The following LRRC63 variants were observed in gnomAD, a reference collection of about 807,000 sequenced individuals.
LRRC63 encodes leucine rich repeat containing 63.
In LRRC63, 40 loss-of-function variants were observed where a neutral mutation model predicts 49.5. The ratio of observed to expected loss-of-function variants is 0.81; its 90% CI spans 0.63 to 1.05. LRRC63 has a LOEUF of 1.05. LRRC63 is among the 50% of genes least tolerant of loss of function. The pLI is 0.00. For synonymous variants in LRRC63, 191 were observed against 221.1 expected, an observed-to-expected ratio of 0.86 and a Z score of 1.21; for missense variants, 636 against 663.1, an observed-to-expected ratio of 0.96 and a Z score of 0.45.
chr13:46,235,380 A>G (rs1228480656), intron 5 of LRRC63, among the ~76,000 whole-genome samples: 1 of 152,316 alleles, frequency 6.6e-6, no homozygotes, highest in East Asian at 1.9e-4. Flanking sequence ...AAACAACCCA[A>G]TAGCTATAGC....
rs2047019181 is a variant in LRRC63 at position 46,240,169 on chromosome 13, C to T, written c.990+5820C>T. Among the ~76,000 whole-genome samples the T allele has an allele frequency of 3.4e-5, 5 of 148,926 alleles. No individual in the cohort carries two copies. In the South Asian group the frequency reaches 1.1e-3, roughly 31 times the overall value. On this transcript the variant is annotated intron_variant, in intron 5 of 9. Coordinates refer to ENST00000595396, the Ensembl canonical transcript of LRRC63. ...TTTGACGGAGTCTCGCTCTGTTGCC[C>T]AGGCTGGAGTGCAGTGGCACGATCT...
intron 6 of LRRC63, among the ~76,000 whole-genome samples, chr13:46,247,791 C>A (rs2047255923): frequency 6.6e-6 from 1 of 151,896 alleles, no homozygotes; most frequent in Non-Finnish European, 1.5e-5. Context: ...GCAGTGTCCA[C>A]TAAAATAGTT....
chr13:46,270,110 G>A, intron 9 of LRRC63: 1 of 654,420 alleles, frequency 1.5e-6, no homozygotes, highest in Non-Finnish European at 2.8e-6. Context: ...AGAGCCGGTG[G>A]TGCCTTTGTT....
intron 9 of LRRC63, among the ~76,000 whole-genome samples, chr13:46,269,911 A>G (rs1479967693): frequency 6.7e-6 from 1 of 149,606 alleles, no homozygotes; most frequent in Non-Finnish European, 1.5e-5. Context: ...ATATACATAT[A>G]TATATATATA....
intron 4 of LRRC63, among the ~76,000 whole-genome samples, chr13:46,230,586 T>C (rs1040033654): frequency 1.2e-4 from 19 of 152,336 alleles, no homozygotes; most frequent in African/African-American, 4.1e-4. Flanking sequence ...TGGAGTCTGA[T>C]ATTCTATGGG....
intron 2 of LRRC63, among the ~76,000 whole-genome samples, chr13:46,225,966 T>C (rs970788120): frequency 1.3e-5 from 2 of 150,964 alleles, no homozygotes; most frequent in Non-Finnish European, 2.9e-5. Context: ...TTACTCTCTT[T>C]TTCTATTCTT....
rs1555330592 is a variant in LRRC63 at position 46,276,826 on chromosome 13, G to GCA, written c.*23_*24insCA. The GCA allele has an allele frequency of 2.7e-3, 453 of 165,308 alleles. 7 individuals are homozygous for GCA. The highest frequency in any genetic ancestry group is 0.014 in the African/African-American group (422 of 30,390). 10.2% of individuals were successfully genotyped at this position (165,308 alleles called of 1,614,324 possible). On this transcript the variant is annotated 3_prime_UTR_variant, in exon 10 of 10. Coordinates refer to ENST00000595396, the Ensembl canonical transcript of LRRC63. ...TAGTACAATGATTTATCGTATGTGT[G>GCA]TGTATATATATATATATATATATAT...
intron 6 of LRRC63, among the ~76,000 whole-genome samples, chr13:46,247,093 A>G (rs1162915640): frequency 6.6e-6 from 1 of 152,180 alleles, no homozygotes; most frequent in Non-Finnish European, 1.5e-5. Flanking sequence ...ATGAACCATT[A>G]TGAGTGATTA....
chr13:46,248,941 T>A (rs1340758391), intron 6 of LRRC63, among the ~76,000 whole-genome samples: 1 of 151,894 alleles, frequency 6.6e-6, no homozygotes, highest in Non-Finnish European at 1.5e-5. Flanking sequence ...TACAAAAGTC[T>A]ATTTTTGGCT....
At position 46,235,618 on chromosome 13, in the gene LRRC63, CA is replaced by C. The variant is rs111284603; in HGVS notation, c.990+1278del. 2.6e-3 allele frequency among the ~76,000 whole-genome samples: 387 copies of C among 149,598 alleles called. 3 individuals carry two copies. Among genetic ancestry groups the C allele is most frequent in the African/African-American group, 8.4e-3 (344 of 40,858 alleles). On this transcript the variant is annotated intron_variant, in intron 5 of 9. Transcript: ENST00000595396. ...TTTTTAACAAAAATTATGGAATATG[CA>C]AAAAAAAATGCTTGTTCACAGAAGA... is the stretch of plus-strand genomic sequence containing the variant.
rs2047689292 is a variant in LRRC63, at chr13:46,266,771, G to A, written c.1349G>A (p.Ser450Asn). The change falls in exon 9 of 10, where the codon AGT becomes AAT. Residue 450 changes from serine to asparagine, a missense_variant. Physicochemically the swap from Ser to Asn is conservative, Grantham distance 46. Transcript: ENST00000595396. The stretch of plus-strand genomic sequence containing the variant: ...CTGACTGTTGATGGGAATGAACTGA[G>A]TTTTTTCCCCCATGGAATTTTGAAG... 4 of 1,549,728 alleles carry A rather than the reference G, an allele frequency of 2.6e-6. No homozygotes were observed. In the Admixed American group the frequency reaches 7.9e-5, roughly 30 times the overall value.
At chr13:46,233,782 A>T (rs1431960861) in intron 4 of LRRC63, among the ~76,000 whole-genome samples, 1 of 152,226 alleles carries the variant, frequency 6.6e-6, no homozygotes, top group Non-Finnish European at 1.5e-5. Flanking sequence ...GGAAAAAGTG[A>T]GGCTGATGTC....
chr13:46,270,862 C>T (rs2047748714), intron 9 of LRRC63, among the ~76,000 whole-genome samples: 1 of 152,192 alleles, frequency 6.6e-6, no homozygotes, highest in Admixed American at 6.5e-5. Flanking sequence ...TCTTGCATCT[C>T]TCTAACAACT....
chr13:46,235,013 A>C (rs1274017954), intron 5 of LRRC63, among the ~76,000 whole-genome samples: 1 of 152,230 alleles, frequency 6.6e-6, no homozygotes, highest in African/African-American at 2.4e-5. Flanking sequence ...GCATTAAAAT[A>C]ATATTCACAT....
At chr13:46,236,095 G>A (rs149660342) in intron 5 of LRRC63, among the ~76,000 whole-genome samples, 38 of 151,372 alleles carry the variant, frequency 2.5e-4, no homozygotes, top group African/African-American at 8.2e-4. Context: ...CTAGAAAATC[G>A]GTCAATTGAA....
At chr13:46,266,930 T>G in exon 9 of LRRC63, 1 of 1,547,300 alleles carries the variant, frequency 6.5e-7, no homozygotes, top group Non-Finnish European at 8.7e-7. Flanking sequence ...CTACATAAAT[T>G]TTATGATAAG....
At chr13:46,276,816 T>C (rs1369522285) in exon 10 of LRRC63, 2 of 367,636 alleles carry the variant, frequency 5.4e-6, no homozygotes, top group East Asian at 1.2e-4. Context: ...CAATGATTTA[T>C]CGTATGTGTG....
At chr13:46,255,201 G>A (rs1028932730) in intron 7 of LRRC63, among the ~76,000 whole-genome samples, 1 of 152,030 alleles carries the variant, frequency 6.6e-6, no homozygotes, top group Non-Finnish European at 1.5e-5. Flanking sequence ...CTTATATAAG[G>A]TACCTAGAAT....
chr13:46,249,006 T>C (rs2047297863), intron 6 of LRRC63, among the ~76,000 whole-genome samples: 1 of 151,786 alleles, frequency 6.6e-6, no homozygotes, highest in Non-Finnish European at 1.5e-5. Flanking sequence ...AATTCACAAA[T>C]ATATGGAAAT....
Sources: allele counts gnomAD v4.1 joint callset (sites outside exome capture counted in the v4.1 genomes callset), GRCh38; gene constraint gnomAD v4.1.1; transcripts MANE v1.5; gene names NCBI Gene and HGNC (gene_info 2026-07-23, HGNC 2026-07-21).